The following SLC15A1 variants were observed in gnomAD, a reference collection of about 807,000 sequenced individuals.
The protein encoded by SLC15A1 is Caco-2 oligopeptide transporter.
In SLC15A1, 83 loss-of-function variants were observed where a neutral mutation model predicts 92.9. The observed-to-expected ratio is 0.89, with a 90% CI of 0.75 to 1.07. The LOEUF (loss-of-function observed/expected upper bound fraction) is 1.07. Among genes scored for constraint, SLC15A1 ranks in the 50% least tolerant of loss-of-function variants. The probability of loss-of-function intolerance (pLI) is 0.00; values close to 1 mark genes in which losing one functional copy is unlikely to be tolerated. For synonymous variants in SLC15A1, 322 were observed against 318.2 expected, an observed-to-expected ratio of 1.01 and a Z score of -0.13; for missense variants, 857 against 880.1, an observed-to-expected ratio of 0.97 and a Z score of 0.33.
intron 1 of SLC15A1, among the ~76,000 whole-genome samples, chr13:98,747,244 G>A (rs1021092458): frequency 2.0e-5 from 3 of 152,168 alleles, no homozygotes; most frequent in African/African-American, 7.2e-5. Context: ...TGTCCTCAAG[G>A]AAGAATGTGG....
At chr13:98,686,405 A>C in intron 21 of SLC15A1, 108 bp from the exon 22 acceptor site, 1 of 732,430 alleles carries the variant, frequency 1.4e-6, no homozygotes, top group Non-Finnish European at 2.4e-6. Context: ...AACAATGCAC[A>C]CGAAAAGTCA....
chr13:98,728,587 C>G (rs1035142274), intron 1 of SLC15A1, among the ~76,000 whole-genome samples: 12 of 152,028 alleles, frequency 7.9e-5, no homozygotes, highest in African/African-American at 2.9e-4. Flanking sequence ...GAGGATGAAG[C>G]AAGGTTAGTG....
At chr13:98,707,913 A>C (rs1351243169) in intron 15 of SLC15A1, among the ~76,000 whole-genome samples, 3 of 122,548 alleles carry the variant, frequency 2.4e-5, no homozygotes, top group African/African-American at 5.5e-5. Context: ...AAAAAAAAAA[A>C]AAAAAAAAGA....
At chr13:98,693,087 G>GTTTTTT (rs55817470) in intron 18 of SLC15A1, among the ~76,000 whole-genome samples, 3 of 58,010 alleles carry the variant, frequency 5.2e-5, no homozygotes, top group African/African-American at 7.4e-5. Context: ...TATTGTCTAC[G>GTTTTTT]TTTTTTTTTT....
chr13:98,687,190 T>C lies in SLC15A1; in HGVS notation c.1827+391A>G, dbSNP rs552463269. ...GTTTACTGGGAGCTATAAAGAGACCTCAACCAAACCTATCATGAGGACATA... is the reference window on the plus strand; with the variant it reads ...GTTTACTGGGAGCTATAAAGAGACCCCAACCAAACCTATCATGAGGACATA... On this transcript the variant is annotated intron_variant, in intron 21 of 22. Coordinates refer to ENST00000376503, the MANE Select transcript of SLC15A1 (RefSeq NM_005073.4). Among the ~76,000 whole-genome samples, 11 of 152,286 alleles carry C rather than the reference T, an allele frequency of 7.2e-5. No individual in the cohort carries two copies. In the South Asian group the frequency reaches 2.3e-3, roughly 32 times the overall value.
At chr13:98,702,579 A>T in intron 17 of SLC15A1, 50 bp from the exon 18 acceptor site, 1 of 1,376,348 alleles carries the variant, frequency 7.3e-7, no homozygotes, top group Non-Finnish European at 1.0e-6. Flanking sequence ...AATATTCATT[A>T]GAATGAGTTC....
At chr13:98,732,682 T>C (rs2088360555) in intron 1 of SLC15A1, among the ~76,000 whole-genome samples, 2 of 152,180 alleles carry the variant, frequency 1.3e-5, no homozygotes, top group South Asian at 4.1e-4. Flanking sequence ...CTCTAGGAGT[T>C]GGACTTCGGA....
intron 17 of SLC15A1, among the ~76,000 whole-genome samples, chr13:98,703,539 CTTTTTTTTTTTTTTTTTTTTTTT>C (rs771426478): frequency 5.8e-5 from 5 of 85,540 alleles, no homozygotes; most frequent in Non-Finnish European, 7.9e-5. Flanking sequence ...GCTGCTGCTG[CTTTTTTTTTTTTTTTTTTTTTTT>C]TTTTTTTTTT....
intron 1 of SLC15A1, among the ~76,000 whole-genome samples, chr13:98,742,150 C>T (rs2088453437): frequency 6.6e-6 from 1 of 152,186 alleles, no homozygotes; most frequent in South Asian, 2.1e-4. Flanking sequence ...GCTCCACCTC[C>T]CTCAGGACCC....
chr13:98,685,268 A>T (rs1236133621), intron 22 of SLC15A1, among the ~76,000 whole-genome samples: 1 of 152,186 alleles, frequency 6.6e-6, no homozygotes. Flanking sequence ...ACAAGGGAAA[A>T]ATGAATATGC....
At chr13:98,732,346 A>G (rs763253508) in intron 1 of SLC15A1, among the ~76,000 whole-genome samples, 2 of 152,184 alleles carry the variant, frequency 1.3e-5, no homozygotes, top group Non-Finnish European at 2.9e-5. Context: ...CAATCACTGA[A>G]TAAACACAGG....
chr13:98,687,900 C>T (rs908590685), intron 20 of SLC15A1, among the ~76,000 whole-genome samples, 176 bp from the exon 21 acceptor site: 4 of 152,136 alleles, frequency 2.6e-5, no homozygotes, highest in African/African-American at 9.7e-5. Flanking sequence ...TTTGAAGACA[C>T]GTTCAGGAGG....
chr13:98,746,203 CTTG>C (rs748749635), intron 1 of SLC15A1, among the ~76,000 whole-genome samples: 9 of 152,264 alleles, frequency 5.9e-5, no homozygotes, highest in South Asian at 2.1e-4. Context: ...AGGACATGAT[CTTG>C]TTGTTTTTTT....
At chr13:98,702,988 A>G (rs533429138) in intron 17 of SLC15A1, among the ~76,000 whole-genome samples, 2,779 of 147,138 alleles carry the variant, frequency 0.019, 48 homozygotes, top group Middle Eastern at 0.049. Flanking sequence ...AAAAAAAAAA[A>G]AAAAAGAAAA....
At chr13:98,739,859 A>G (rs1432036670) in intron 1 of SLC15A1, among the ~76,000 whole-genome samples, 3 of 152,232 alleles carry the variant, frequency 2.0e-5, no homozygotes, top group Non-Finnish European at 4.4e-5. Context: ...CATCTCAGGA[A>G]GACAACTTGG....
Position 98,687,629 on chromosome 13 carries a change from A to G in SLC15A1, c.1779T>C (p.Cys593=). 6.2e-7 allele frequency: 1 copy of G among 1,614,240 alleles called. No individual in the cohort carries two copies. The highest frequency in any genetic ancestry group is 8.5e-7 in the Non-Finnish European group (1 of 1,180,036). ...LQIPQYFLLT[C]GEVVFSVTGL... is the part of the protein sequence containing the mutation. ...CCGTGACAGAGAAGACCACTTCGCC[A>G]CAGGTGAGAAGAAAATACTGCGGGA... The change falls in exon 21 of 23, where the codon TGT becomes TGC. Residue 593 remains cysteine (C), a synonymous_variant. Coordinates refer to ENST00000376503, the MANE Select transcript of SLC15A1 (RefSeq NM_005073.4).
intron 1 of SLC15A1, among the ~76,000 whole-genome samples, chr13:98,743,698 C>G (rs1202151192): frequency 1.2e-5 from 1 of 85,692 alleles, no homozygotes; most frequent in African/African-American, 4.4e-5. Context: ...GTACAGCAAC[C>G]CTTGCTCTCC....
intron 1 of SLC15A1, among the ~76,000 whole-genome samples, chr13:98,743,920 C>T (rs1411407308): frequency 2.0e-5 from 3 of 152,062 alleles, no homozygotes; most frequent in Admixed American, 1.3e-4. Context: ...TACCAGCCTC[C>T]GGGACAGCAT....
chr13:98,702,674 G>C, intron 17 of SLC15A1, 145 bp from the exon 18 acceptor site: 1 of 674,942 alleles, frequency 1.5e-6, no homozygotes, highest in Non-Finnish European at 2.6e-6. Flanking sequence ...GGGCTCTGGA[G>C]GCCGGGCACA....
Sources: allele counts gnomAD v4.1 joint callset (sites outside exome capture counted in the v4.1 genomes callset), GRCh38; gene constraint gnomAD v4.1.1; transcripts MANE v1.5; gene names NCBI Gene and HGNC (gene_info 2026-07-23, HGNC 2026-07-21).